CD226: variants seen among roughly 807,000 people sequenced by gnomAD.
CD226 encodes CD226 antigen.
A neutral mutation model predicts 34.9 loss-of-function variants in CD226; 24 were observed. The ratio of observed to expected loss-of-function variants is 0.69; its 90% CI spans 0.50 to 0.97. The LOEUF (loss-of-function observed/expected upper bound fraction) is 0.97. Ranked by LOEUF, CD226 falls within the 50% of genes least tolerant of loss-of-function variation. The probability of loss-of-function intolerance (pLI) is 0.00; values close to 1 mark genes in which losing one functional copy is unlikely to be tolerated. For synonymous variants in CD226, 148 were observed against 147.4 expected (o/e 1.00, Z -0.03); for missense variants, 397 against 412.7 (o/e 0.96, Z 0.33).
chr18:69,900,610 T>C (rs901955815), intron 2 of CD226, among the ~76,000 whole-genome samples: 3 of 150,498 alleles, frequency 2.0e-5, no homozygotes, highest in Admixed American at 6.6e-5. Context: ...CGGGCGCCTG[T>C]AGTCCCAGCT....
chr18:69,909,352 G>A (rs1487871600), intron 2 of CD226, among the ~76,000 whole-genome samples: 4 of 152,210 alleles, frequency 2.6e-5, no homozygotes, highest in African/African-American at 9.6e-5. Flanking sequence ...TCTGCCAAAT[G>A]GAAACCCACA....
chr18:69,939,294 A>G (rs1333154995), intron 2 of CD226, among the ~76,000 whole-genome samples: 1 of 152,236 alleles, frequency 6.6e-6, no homozygotes, highest in African/African-American at 2.4e-5. Flanking sequence ...GTTTGTATCT[A>G]TAAATAACGT....
chr18:69,921,635 C>T (rs575901837), intron 2 of CD226, among the ~76,000 whole-genome samples: 3 of 152,334 alleles, frequency 2.0e-5, no homozygotes, highest in African/African-American at 7.2e-5. Flanking sequence ...CCATGAGGCC[C>T]TTCGTGGATT....
chr18:69,911,574 G>A (rs920335226), intron 2 of CD226, among the ~76,000 whole-genome samples: 2 of 152,010 alleles, frequency 1.3e-5, no homozygotes, highest in African/African-American at 2.4e-5. Flanking sequence ...CCCGCAGGTC[G>A]GCAATACTCA....
chr18:69,888,737 A>G (rs1000331053), intron 3 of CD226, among the ~76,000 whole-genome samples: 6 of 152,114 alleles, frequency 3.9e-5, no homozygotes, highest in African/African-American at 1.4e-4. Context: ...ACAAACTTGC[A>G]TTGTTTATAG....
upstream of CD226, chr18:69,957,134 A>G (rs1283253097): frequency 3.9e-5 from 6 of 152,178 alleles, no homozygotes; most frequent in African/African-American, 1.4e-4. Context: ...CTTTTCCCCC[A>G]AAGAATCTAT....
At chr18:69,948,870 G>C (rs992359682), upstream of CD226, among the ~76,000 whole-genome samples, 1 of 151,988 alleles carries the variant, frequency 6.6e-6, no homozygotes, top group Non-Finnish European at 1.5e-5. Context: ...TAATATAGTG[G>C]GTCATATTAA....
intron 2 of CD226, among the ~76,000 whole-genome samples, chr18:69,933,418 T>C (rs1599021291): frequency 6.6e-6 from 1 of 152,156 alleles, no homozygotes; most frequent in African/African-American, 2.4e-5. Context: ...TCCTCCCTCT[T>C]CCTGCCAGCC....
Position 69,947,550 on chromosome 18 carries a change from GA to G in CD226, c.-145del, listed in dbSNP as rs1469443781. On this transcript the variant is annotated 5_prime_UTR_variant, in exon 1 of 6. Coordinates refer to ENST00000582621, the MANE Select transcript of CD226 (RefSeq NM_001303618.2). ...TTCTTTTTCTGAAGTATGAACACAG[GA>G]AAAAGGCCTTAGCTTAAAAGACAGG... The G allele has an allele frequency of 8.2e-6, 4 of 485,938 alleles. No homozygotes were observed. Among genetic ancestry groups the G allele is most frequent in the South Asian group, 4.8e-5 (1 of 20,800 alleles). The allele number at this position is 485,938 out of a possible 1,614,324, so 30.1% of individuals were successfully genotyped here.
At chr18:69,958,916 C>A (rs73466723), upstream of CD226, among the ~76,000 whole-genome samples, 1,029 of 152,084 alleles carry the variant, frequency 6.8e-3, 4 homozygotes, top group Middle Eastern at 0.01. Flanking sequence ...AAGGGAGGCA[C>A]AATGGAGATA....
intron 2 of CD226, among the ~76,000 whole-genome samples, chr18:69,936,841 C>T (rs867753211): frequency 5.3e-5 from 8 of 152,106 alleles, no homozygotes; most frequent in Admixed American, 2.0e-4. Context: ...TACACAAGGA[C>T]TAAGGAAGCT....
chr18:69,911,473 T>C (rs1341175268), intron 2 of CD226, among the ~76,000 whole-genome samples: 1 of 152,170 alleles, frequency 6.6e-6, no homozygotes, highest in Non-Finnish European at 1.5e-5. Flanking sequence ...TAAACAGATA[T>C]TGCTACAAAC....
intron 3 of CD226, among the ~76,000 whole-genome samples, chr18:69,888,630 G>A (rs1323096309): frequency 6.6e-6 from 1 of 152,006 alleles, no homozygotes; most frequent in East Asian, 1.9e-4. Flanking sequence ...AGTTCCCAGG[G>A]AGAGAAAAAC....
At chr18:69,928,157 G>A (rs2055546116) in intron 2 of CD226, among the ~76,000 whole-genome samples, 1 of 152,104 alleles carries the variant, frequency 6.6e-6, no homozygotes, top group African/African-American at 2.4e-5. Context: ...TCCCACCCAG[G>A]GGAATACTTT....
chr18:69,920,537 T>C (rs2055438491), intron 2 of CD226, among the ~76,000 whole-genome samples: 1 of 152,220 alleles, frequency 6.6e-6, no homozygotes, highest in Non-Finnish European at 1.5e-5. Context: ...GTATTTTTCT[T>C]TATACCCAGT....
chr18:69,905,555 G>A (rs998068141), intron 2 of CD226, among the ~76,000 whole-genome samples: 1 of 152,156 alleles, frequency 6.6e-6, no homozygotes, highest in African/African-American at 2.4e-5. Flanking sequence ...GTGGAAGTGC[G>A]GGATTGGTGG....
intron 3 of CD226, among the ~76,000 whole-genome samples, chr18:69,879,255 C>T (rs1984065520): frequency 6.6e-6 from 1 of 152,122 alleles, no homozygotes; most frequent in Non-Finnish European, 1.5e-5. Context: ...CTAGAATTCG[C>T]CAGGCTGGAA....
At chr18:69,946,667 G>T in intron 2 of CD226, 67 bp downstream of exon 2, 1 of 1,051,834 alleles carries the variant, frequency 9.5e-7, no homozygotes, top group Non-Finnish European at 1.4e-6. Context: ...TTCTACTTGG[G>T]CTTTATAGAA....
intron 2 of CD226, among the ~76,000 whole-genome samples, chr18:69,926,917 G>A (rs1324136282): frequency 1.3e-5 from 2 of 152,080 alleles, no homozygotes; most frequent in African/African-American, 4.8e-5. Context: ...ATAAAGACAA[G>A]AACCAAAACA....
Sources: gnomAD v4.1 joint callset for allele counts (sites outside exome capture counted in the v4.1 genomes callset) on GRCh38, gnomAD v4.1.1 for gene constraint, MANE v1.5 for transcripts, NCBI Gene and HGNC (gene_info 2026-07-23, HGNC 2026-07-21) for gene names.